The following PDCD11 variants were observed in gnomAD, a reference collection of about 807,000 sequenced individuals.
PDCD11 encodes the protein programmed cell death 11, also known as protein RRP5 homolog.
PDCD11 carries 97 observed loss-of-function variants against 198.9 expected under a neutral mutation model. The ratio of observed to expected loss-of-function variants is 0.49; its 90% confidence interval spans 0.41 to 0.58. The LOEUF is 0.58. PDCD11 is among the 20% of genes least tolerant of loss of function. PDCD11 has a pLI of 0.00. For missense variants in PDCD11, 2,102 were observed against 2,312.7 expected (o/e 0.91, Z 1.87); for synonymous variants, 893 against 918.0 (o/e 0.97, Z 0.49).
At position 103,434,376 on chromosome 10, in the gene PDCD11, C is replaced by T. The variant is rs371825950; in HGVS notation, c.3667+26C>T. 51 of 1,432,720 alleles carry T rather than the reference C, an allele frequency of 3.6e-5. No homozygotes were observed. The African/African-American group carries it at 5.9e-4, about 17-fold the overall frequency. 88.8% of individuals were successfully genotyped at this position (1,432,720 alleles called of 1,614,324 possible). A position where few individuals can be genotyped will look rare whatever the true frequency, so the allele number is the denominator to read the frequency against. On this transcript the variant is annotated intron_variant, in intron 24 of 35. Transcript: ENST00000369797. ...GTGTGGGGATGAAACAGTGCCTGGT[C>T]GGGGAAGGGGAGCGGCAGGAAGGGG... is the stretch of plus-strand genomic sequence containing the variant.
At chr10:103,442,583 C>A (rs1455008060) in intron 32 of PDCD11, 123 bp downstream of exon 32, 2 of 1,010,028 alleles carry the variant, frequency 2.0e-6, no homozygotes, top group Non-Finnish European at 1.5e-6. Context: ...CACCAGGGGC[C>A]CATGGGTCCT....
chr10:103,411,468 C>T (rs546463623), intron 8 of PDCD11, among the ~76,000 whole-genome samples: 45 of 152,216 alleles, frequency 3.0e-4, no homozygotes, highest in African/African-American at 5.5e-4. Flanking sequence ...TGGGTTCAGG[C>T]GATCCTTCCA....
Position 103,427,407 on chromosome 10 carries a change from G to A in PDCD11, c.3368+16G>A, listed in dbSNP as rs1417307731. The A allele has an allele frequency of 1.2e-6, 2 of 1,603,056 alleles. No homozygotes were observed. The highest frequency in any genetic ancestry group is 1.7e-6 in the Non-Finnish European group (2 of 1,172,962). ...TTCGGCCAAGGTGAGGGGGACATTA[G>A]CAGCACTGTCTTACGGAAAGAGCAC... is the stretch of plus-strand genomic sequence containing the variant. On this transcript the variant is annotated intron_variant, in intron 21 of 35. Transcript: ENST00000369797.
chr10:103,445,435 C>G lies in PDCD11; in HGVS notation c.5502C>G (p.Phe1834Leu), dbSNP rs2032566899. The change falls in exon 36 of 36, where the codon TTC becomes TTG. Residue 1834 changes from phenylalanine to leucine, a missense_variant. Phe to Leu is a conservative substitution (Grantham distance 22, BLOSUM62 0). Transcript: ENST00000369797. ...TGGCCCCCAAGAGAATGAAGTTCTTCTTCAAGCGCTACCTGGACTACGAGA... is the reference window on the plus strand; with the variant it reads ...TGGCCCCCAAGAGAATGAAGTTCTTGTTCAAGCGCTACCTGGACTACGAGA... The part of the protein sequence containing the change: ...LSLAPKRMKF[F>L]FKRYLDYEKQ... 1 of 1,614,098 alleles carries G rather than the reference C, an allele frequency of 6.2e-7. No individual in the cohort carries two copies. Among genetic ancestry groups the G allele is most frequent in the African/African-American group, 1.3e-5 (1 of 74,930 alleles).
chr10:103,432,958 A>G (rs960988999), intron 22 of PDCD11, among the ~76,000 whole-genome samples: 3 of 152,056 alleles, frequency 2.0e-5, no homozygotes, highest in Non-Finnish European at 2.9e-5. Context: ...AGTACCTTCT[A>G]TTCCAATTGC....
rs770867839 is a variant in PDCD11 at position 103,405,199 on chromosome 10, C to T, written c.564+16C>T. 36 of 1,611,412 alleles carry T rather than the reference C, an allele frequency of 2.2e-5. No homozygotes were observed. Among genetic ancestry groups the T allele is most frequent in the African/African-American group, 4.0e-5 (3 of 74,786 alleles). On this transcript the variant is annotated intron_variant, in intron 5 of 35. Coordinates refer to ENST00000369797, the MANE Select transcript of PDCD11 (RefSeq NM_014976.2). ...GCCTGGCATGGTAGGTGTCTAGGGT[C>T]GGGGAGGAAGAGTGGCAATGTGCCT...
At chr10:103,445,307 G>A (rs2032559571) in intron 35 of PDCD11, 71 bp from the exon 36 acceptor site, 2 of 1,437,396 alleles carry the variant, frequency 1.4e-6, no homozygotes, top group Non-Finnish European at 1.9e-6. Context: ...GAGAGCAAGT[G>A]GGTGAGTGCT....
At chr10:103,442,074 G>A (rs1592143148) in intron 31 of PDCD11, 99 bp downstream of exon 31, 1 of 1,555,922 alleles carries the variant, frequency 6.4e-7, no homozygotes, top group East Asian at 2.3e-5. Flanking sequence ...GGTGAGTGGG[G>A]GAGGGGGCAG....
intron 11 of PDCD11, 100 bp downstream of exon 11, chr10:103,414,430 T>C (rs2030987715): frequency 1.0e-5 from 8 of 774,180 alleles, no homozygotes; most frequent in Non-Finnish European, 8.8e-6. Context: ...TGTTAACACA[T>C]TGAATGTCAT....
At chr10:103,408,295 C>T (rs1441929444) in intron 7 of PDCD11, among the ~76,000 whole-genome samples, 1 of 152,022 alleles carries the variant, frequency 6.6e-6, no homozygotes, top group Non-Finnish European at 1.5e-5. Flanking sequence ...TCTGCTGTCT[C>T]CTCTGTCTGT....
In PDCD11 at chr10:103,434,859, C is replaced by A. The variant is rs759926468; in HGVS notation, c.3729C>A (p.Asn1243Lys). The change falls in exon 25 of 36, where the codon AAC becomes AAA. Residue 1243 changes from asparagine to lysine, a missense_variant. Transcript: ENST00000369797. The stretch of plus-strand genomic sequence containing the variant: ...GCCGAGTGGTGAAGGTGACTCCCAA[C>A]GAGGGGCTGACCGTCTCCTTCCCCT... ...AMGRVVKVTP[N>K]EGLTVSFPFG... is the part of the protein sequence containing the mutation. 1 of 1,612,794 alleles carries A rather than the reference C, an allele frequency of 6.2e-7. No homozygotes were observed. The highest frequency in any genetic ancestry group is 8.5e-7 in the Non-Finnish European group (1 of 1,179,480).
At chr10:103,406,496 G>A (rs1479537938) in intron 6 of PDCD11, 113 bp from the exon 7 acceptor site, 1 of 870,926 alleles carries the variant, frequency 1.1e-6, no homozygotes, top group Non-Finnish European at 1.8e-6. Flanking sequence ...GGGAGTAACT[G>A]ATGCTAACTG....
intron 13 of PDCD11, among the ~76,000 whole-genome samples, chr10:103,417,232 C>CGT (rs1300003633): frequency 4.0e-5 from 6 of 151,540 alleles, no homozygotes; most frequent in African/African-American, 1.5e-4. Flanking sequence ...AGTGCAATGG[C>CGT]GTGATCTCAG....
At position 103,435,026 on chromosome 10, in the gene PDCD11, T is replaced by TA. The variant is rs565871296; in HGVS notation, c.3845+60dup. 9.7e-4 allele frequency: 1,244 copies of TA among 1,280,930 alleles called. 3 individuals carry two copies. The highest frequency in any genetic ancestry group is 9.4e-3 in the East Asian group (338 of 36,002). The allele number at this position is 1,280,930 out of a possible 1,614,324, so 79.3% of individuals were successfully genotyped here. On this transcript the variant is annotated intron_variant, in intron 25 of 35. Coordinates refer to ENST00000369797, the MANE Select transcript of PDCD11 (RefSeq NM_014976.2). Reference sequence around the variant, plus strand: ...CACCTGTCTGTGGAATTGGTATATTTAAAAAAAAACGTTGTTGTAATACAT... The same window carrying TA: ...CACCTGTCTGTGGAATTGGTATATTTAAAAAAAAAACGTTGTTGTAATACAT...
At chr10:103,437,633 G>A (rs1355370341) in intron 25 of PDCD11, among the ~76,000 whole-genome samples, 6 of 152,052 alleles carry the variant, frequency 3.9e-5, no homozygotes, top group African/African-American at 1.2e-4. Context: ...GACTACAGGC[G>A]CCCGCCACCA....
chr10:103,434,410 G>C (rs1213418488), intron 24 of PDCD11, 60 bp downstream of exon 24: 1 of 1,085,432 alleles, frequency 9.2e-7, no homozygotes, highest in Non-Finnish European at 1.4e-6. Flanking sequence ...GGTGGGATGG[G>C]TTTTCAGCTA....
At chr10:103,443,865 C>T (rs1451147981) in intron 33 of PDCD11, 50 bp from the exon 34 acceptor site, 2 of 1,578,752 alleles carry the variant, frequency 1.3e-6, no homozygotes, top group East Asian at 4.5e-5. Flanking sequence ...TCTGTCTTGT[C>T]CCCTCTGTAG....
At position 103,421,334 on chromosome 10, in the gene PDCD11, GTTC is replaced by G. The variant is rs1160199137; in HGVS notation, c.2278-9_2278-7del. The G allele has an allele frequency of 1.0e-5, 16 of 1,591,398 alleles. No homozygotes were observed. In the East Asian group the frequency reaches 2.2e-4, roughly 22 times the overall value. On this transcript the variant is annotated splice_polypyrimidine_tract_variant and intron_variant, in intron 16 of 35. Coordinates refer to ENST00000369797, the MANE Select transcript of PDCD11 (RefSeq NM_014976.2). ...CCTTTCCTCTTCTCATCTCCTGCCT[GTTC>G]TTCTGTTCAGATCATGAGTGACAAA...
Position 103,418,518 on chromosome 10 carries a change from C to T in PDCD11, c.1990C>T (p.Leu664Phe). The change falls in exon 15 of 36, where the codon CTC becomes TTC. Residue 664 changes from leucine to phenylalanine, a missense_variant. Leu to Phe is a conservative substitution (Grantham distance 22). Transcript: ENST00000369797. ...AVLPHNIRAF[L>F]PTSHLSDHVA... ...CCTGCCCCACAACATCCGTGCTTTC[C>T]TCCCCACATCTCATCTGTCGGACCA... 6.2e-7 allele frequency: 1 copy of T among 1,614,180 alleles called. No individual in the cohort carries two copies. The highest frequency in any genetic ancestry group is 8.5e-7 in the Non-Finnish European group (1 of 1,180,006).
Sources: allele counts gnomAD v4.1 joint callset (sites outside exome capture counted in the v4.1 genomes callset), GRCh38; gene constraint gnomAD v4.1.1; transcripts MANE v1.5; gene names NCBI Gene and HGNC (gene_info 2026-07-23, HGNC 2026-07-21).